GALNTL6: variants seen among roughly 807,000 people sequenced by gnomAD.
GALNTL6 encodes polypeptide N-acetylgalactosaminyltransferase like 6.
In GALNTL6, 46 loss-of-function variants were observed where a neutral mutation model predicts 73.7. That is an observed-to-expected ratio of 0.62 (90% CI 0.49 to 0.80). The LOEUF is 0.80. Among genes scored for constraint, GALNTL6 ranks in the 30% least tolerant of loss-of-function variants. The pLI is 0.00. For synonymous variants in GALNTL6, 259 were observed against 263.7 expected, an observed-to-expected ratio of 0.98 and a Z score of 0.17; for missense variants, 604 against 755.0, an observed-to-expected ratio of 0.80 and a Z score of 2.34.
chr4:172,130,696 A>G (rs1387838175), intron 2 of GALNTL6, among the ~76,000 whole-genome samples: 2 of 152,162 alleles, frequency 1.3e-5, no homozygotes, highest in East Asian at 1.9e-4. Context: ...TTTAAAATAA[A>G]TTTAATCACA....
intron 5 of GALNTL6, among the ~76,000 whole-genome samples, chr4:172,762,598 T>C (rs1738174523): frequency 1.3e-5 from 2 of 152,302 alleles, no homozygotes; most frequent in Non-Finnish European, 2.9e-5. Context: ...ATTTAAATTA[T>C]AGAATTTTCT....
At position 171,861,006 on chromosome 4, in the gene GALNTL6, A is replaced by T. The variant is rs141478496; in HGVS notation, c.138+46288A>T. On this transcript the variant is annotated intron_variant, in intron 2 of 12. Transcript: ENST00000506823. ...TAGGCCTCTCACAGTATCACTCTGT[A>T]CCTGTTCAGTTCATTTCTCAGCCAA... 3.5e-4 allele frequency among the ~76,000 whole-genome samples: 54 copies of T among 152,250 alleles called. No homozygotes were observed. In the East Asian group the frequency reaches 6.6e-3, roughly 19 times the overall value.
intron 7 of GALNTL6, among the ~76,000 whole-genome samples, chr4:172,844,923 A>G (rs1369393359): frequency 2.0e-5 from 3 of 152,172 alleles, no homozygotes; most frequent in Non-Finnish European, 4.4e-5. Context: ...ATAAAATAAA[A>G]ATAAGATTCT....
chr4:171,883,514 G>A (rs927287597), intron 2 of GALNTL6, among the ~76,000 whole-genome samples: 4 of 152,020 alleles, frequency 2.6e-5, no homozygotes, highest in African/African-American at 9.7e-5. Flanking sequence ...TTGAAGTTAA[G>A]TCTTCTTCTT....
chr4:172,971,040 C>T (rs886383974), intron 10 of GALNTL6, among the ~76,000 whole-genome samples: 1 of 152,196 alleles, frequency 6.6e-6, no homozygotes, highest in African/African-American at 2.4e-5. Context: ...TGCTGGGGTT[C>T]CAGCCAGTCC....
chr4:172,057,024 T>A (rs1731036723), intron 2 of GALNTL6, among the ~76,000 whole-genome samples: 1 of 152,192 alleles, frequency 6.6e-6, no homozygotes, highest in Non-Finnish European at 1.5e-5. Flanking sequence ...GTAGTGTTGG[T>A]TTGAACTGTT....
chr4:172,159,967 T>C (rs2110787853), intron 2 of GALNTL6, among the ~76,000 whole-genome samples: 1 of 152,158 alleles, frequency 6.6e-6, no homozygotes, highest in East Asian at 1.9e-4. Flanking sequence ...TTGACCTTTG[T>C]GATGGACTGG....
At chr4:172,219,237 TA>T (rs1560975282) in intron 2 of GALNTL6, among the ~76,000 whole-genome samples, 2 of 88,996 alleles carry the variant, frequency 2.2e-5, no homozygotes, top group Non-Finnish European at 4.9e-5. Context: ...CTTCTGTTCT[TA>T]AAAAATATAG....
chr4:172,462,108 T>TA (rs1732641960), intron 5 of GALNTL6, among the ~76,000 whole-genome samples: 1 of 152,282 alleles, frequency 6.6e-6, no homozygotes, highest in Admixed American at 6.5e-5. Flanking sequence ...GAGGAGGACT[T>TA]ACACCATCAG....
chr4:171,984,955 A>T (rs1415243921), intron 2 of GALNTL6, among the ~76,000 whole-genome samples: 1 of 151,970 alleles, frequency 6.6e-6, no homozygotes, highest in Non-Finnish European at 1.5e-5. Context: ...GATTAAGACC[A>T]TCAAAAATTA....
At chr4:172,017,615 TTG>T (rs1341920495) in intron 2 of GALNTL6, among the ~76,000 whole-genome samples, 2 of 152,042 alleles carry the variant, frequency 1.3e-5, no homozygotes. Context: ...AGCACTGTGA[TTG>T]TGTTTCTGCT....
At chr4:172,171,997 G>A (rs1404645887) in intron 2 of GALNTL6, among the ~76,000 whole-genome samples, 1 of 152,176 alleles carries the variant, frequency 6.6e-6, no homozygotes, top group Non-Finnish European at 1.5e-5. Context: ...AAAGCAGCCA[G>A]TATGTCTGTA....
intron 5 of GALNTL6, among the ~76,000 whole-genome samples, chr4:172,515,746 C>A (rs1734583923): frequency 6.6e-6 from 1 of 152,114 alleles, no homozygotes; most frequent in South Asian, 2.1e-4. Flanking sequence ...GGGCTCAGGG[C>A]AATTCCAGAG....
chr4:171,875,321 G>T (rs187313376), intron 2 of GALNTL6, among the ~76,000 whole-genome samples: 51 of 152,180 alleles, frequency 3.4e-4, no homozygotes, highest in African/African-American at 9.4e-4. Flanking sequence ...AGCCCAGAAA[G>T]TTCTCTGTTG....
intron 2 of GALNTL6, among the ~76,000 whole-genome samples, chr4:172,156,424 G>T (rs1024415619): frequency 1.3e-5 from 2 of 150,710 alleles, no homozygotes; most frequent in African/African-American, 4.9e-5. Flanking sequence ...CATTTTCTGC[G>T]TGATTTTGAT....
In GALNTL6 at chr4:171,976,627, C is replaced by A. The variant is rs963138848; in HGVS notation, c.138+161909C>A. 2.0e-5 allele frequency among the ~76,000 whole-genome samples: 3 copies of A among 152,100 alleles called. No individual in the cohort carries two copies. The East Asian group carries it at 5.8e-4, about 29-fold the overall frequency. On this transcript the variant is annotated intron_variant, in intron 2 of 12. Coordinates refer to ENST00000506823, the MANE Select transcript of GALNTL6 (RefSeq NM_001034845.3). Reference sequence around the variant, plus strand: ...ACTATACTACGCACTATTTTGATAGCGGGTTATGGTGACTGCATTAGGATA... The same window carrying A: ...ACTATACTACGCACTATTTTGATAGAGGGTTATGGTGACTGCATTAGGATA...
intron 2 of GALNTL6, among the ~76,000 whole-genome samples, chr4:172,177,792 T>G: frequency 7.4e-6 from 1 of 134,290 alleles, no homozygotes; most frequent in African/African-American, 3.3e-5. Context: ...CACATGTGTA[T>G]ATATATACAC....
intron 2 of GALNTL6, among the ~76,000 whole-genome samples, chr4:172,018,761 C>G (rs1167372215): frequency 6.6e-6 from 1 of 152,062 alleles, no homozygotes; most frequent in Non-Finnish European, 1.5e-5. Context: ...AGGTTCATGC[C>G]CAATCAATAT....
chr4:171,948,149 T>A (rs1277854326), intron 2 of GALNTL6, among the ~76,000 whole-genome samples: 2 of 113,836 alleles, frequency 1.8e-5, no homozygotes, highest in Non-Finnish European at 3.6e-5. Context: ...AAGAAAATGA[T>A]CTTTAAAAGA....
Sources: allele counts gnomAD v4.1 joint callset (sites outside exome capture counted in the v4.1 genomes callset), GRCh38; gene constraint gnomAD v4.1.1; transcripts MANE v1.5; gene names NCBI Gene and HGNC (gene_info 2026-07-23, HGNC 2026-07-21).